Variants in GPR158 observed in about 807,000 individuals in gnomAD.
The protein encoded by GPR158 is metabotropic glycine receptor.
In GPR158, 30 loss-of-function variants were observed where a neutral mutation model predicts 78.2. That is an observed-to-expected ratio of 0.38 (90% CI 0.29 to 0.52). The LOEUF is 0.52. Among genes scored for constraint, GPR158 ranks in the 20% least tolerant of loss-of-function variants. The pLI, the probability that GPR158 is intolerant of heterozygous loss-of-function variation, is 0.83. For missense variants in GPR158, 1,463 were observed against 1,523.5 expected (o/e 0.96, Z 0.66); for synonymous variants, 581 against 591.1 (o/e 0.98, Z 0.25).
intron 6 of GPR158, among the ~76,000 whole-genome samples, chr10:25,568,045 G>A (rs1836955051): frequency 6.6e-6 from 1 of 152,192 alleles, no homozygotes; most frequent in Non-Finnish European, 1.5e-5. Flanking sequence ...TTATTCCTAA[G>A]CTTCTGCTTT....
chr10:25,322,641 A>G (rs1042641810), intron 2 of GPR158, among the ~76,000 whole-genome samples: 5 of 152,216 alleles, frequency 3.3e-5, no homozygotes, highest in Admixed American at 6.5e-5. Context: ...ATCATTATCT[A>G]TGGCAGCTAT....
intron 5 of GPR158, among the ~76,000 whole-genome samples, chr10:25,495,986 TA>T (rs950806554): frequency 6.6e-6 from 1 of 152,002 alleles, no homozygotes; most frequent in Non-Finnish European, 1.5e-5. Flanking sequence ...CTCAACCCCC[TA>T]AATGCAGACA....
At chr10:25,450,781 A>G (rs190907528) in intron 4 of GPR158, among the ~76,000 whole-genome samples, 2 of 152,126 alleles carry the variant, frequency 1.3e-5, no homozygotes, top group Non-Finnish European at 2.9e-5. Context: ...CTGTTGTACA[A>G]AATTAGCACA....
intron 1 of GPR158, among the ~76,000 whole-genome samples, chr10:25,192,763 A>G (rs1055293796): frequency 2.0e-5 from 3 of 151,682 alleles, no homozygotes; most frequent in African/African-American, 7.3e-5. Flanking sequence ...TTGAAGTATA[A>G]TAAAAAAAAG....
chr10:25,263,592 G>A (rs924289839), intron 2 of GPR158, among the ~76,000 whole-genome samples: 1 of 152,136 alleles, frequency 6.6e-6, no homozygotes, highest in Non-Finnish European at 1.5e-5. Context: ...AAAATCTGCT[G>A]TGTGGTCATA....
intron 1 of GPR158, among the ~76,000 whole-genome samples, chr10:25,214,528 C>T (rs1853179938): frequency 6.6e-6 from 1 of 151,992 alleles, no homozygotes; most frequent in African/African-American, 2.4e-5. Flanking sequence ...ATTCAGGTTT[C>T]CTGTTTTTCC....
chr10:25,383,175 G>A (rs1436098441), intron 2 of GPR158, among the ~76,000 whole-genome samples: 1 of 152,146 alleles, frequency 6.6e-6, no homozygotes, highest in Non-Finnish European at 1.5e-5. Context: ...TTCTTCATAA[G>A]TTACAAAGAA....
intron 2 of GPR158, among the ~76,000 whole-genome samples, chr10:25,350,528 C>T (rs1588816324): frequency 2.0e-5 from 3 of 150,828 alleles, no homozygotes; most frequent in Admixed American, 6.6e-5. Flanking sequence ...ACTTTCTTGA[C>T]TTAGCCCCGT....
intron 2 of GPR158, among the ~76,000 whole-genome samples, chr10:25,279,565 A>G (rs1854237884): frequency 6.6e-6 from 1 of 152,160 alleles, no homozygotes; most frequent in South Asian, 2.1e-4. Flanking sequence ...AAAGACAGTT[A>G]TTTAAATTAA....
intron 7 of GPR158, 37 bp from the exon 8 acceptor site, chr10:25,588,970 C>A: frequency 1.4e-6 from 2 of 1,438,346 alleles, no homozygotes; most frequent in Non-Finnish European, 1.9e-6. Flanking sequence ...ATTTCTTCAC[C>A]TATAAAACTC....
chr10:25,344,544 C>T (rs1855347364), intron 2 of GPR158, among the ~76,000 whole-genome samples: 1 of 151,942 alleles, frequency 6.6e-6, no homozygotes, highest in African/African-American at 2.4e-5. Context: ...AAGGCCCTAT[C>T]TGCATTATAG....
chr10:25,392,345 G>C (rs773087951), intron 2 of GPR158, among the ~76,000 whole-genome samples: 1 of 152,142 alleles, frequency 6.6e-6, no homozygotes, highest in Non-Finnish European at 1.5e-5. Context: ...TCCACACTTG[G>C]CTTGCCCTTG....
chr10:25,241,568 G>A (rs908059225), intron 2 of GPR158, among the ~76,000 whole-genome samples: 4 of 151,478 alleles, frequency 2.6e-5, no homozygotes, highest in South Asian at 2.1e-4. Flanking sequence ...TTACAGGTGC[G>A]CACCACCATG....
At chr10:25,363,757 G>T (rs995399502) in intron 2 of GPR158, among the ~76,000 whole-genome samples, 1 of 150,950 alleles carries the variant, frequency 6.6e-6, no homozygotes, top group African/African-American at 2.4e-5. Flanking sequence ...CTGATCCTCA[G>T]TTCAAGCACT....
At position 25,180,706 on chromosome 10, in the gene GPR158, T is replaced by C. The variant is rs2130627680; in HGVS notation, c.902+4384T>C. Among the ~76,000 whole-genome samples, 3 of 152,306 alleles carry C rather than the reference T, an allele frequency of 2.0e-5. No individual in the cohort carries two copies. In the South Asian group the frequency reaches 6.2e-4, roughly 32 times the overall value. ...ACAAATGTGGAAATAGACTTGATGA[T>C]TTCCATATACTTCTTAATTGGCCTA... On this transcript the variant is annotated intron_variant, in intron 1 of 10. Transcript: ENST00000376351.
intron 2 of GPR158, among the ~76,000 whole-genome samples, chr10:25,225,569 C>G (rs1853362098): frequency 6.6e-6 from 1 of 152,114 alleles, no homozygotes; most frequent in African/African-American, 2.4e-5. Context: ...CAAGGCTTAA[C>G]AGCTTATGTT....
intron 8 of GPR158, among the ~76,000 whole-genome samples, chr10:25,592,582 T>C (rs1181579959): frequency 1.3e-5 from 2 of 152,040 alleles, no homozygotes; most frequent in Non-Finnish European, 2.9e-5. Flanking sequence ...AACCTGGCAG[T>C]AATTTAAAAC....
At chr10:25,459,293 CT>C (rs1835328595) in intron 4 of GPR158, among the ~76,000 whole-genome samples, 1 of 152,088 alleles carries the variant, frequency 6.6e-6, no homozygotes, top group African/African-American at 2.4e-5. Flanking sequence ...ATTGGTATAT[CT>C]TTTTTAAAAG....
In GPR158 at chr10:25,267,624, TA is replaced by T. The variant is rs1365307857; in HGVS notation, c.1008+46474del. ...TATGGAATTATTTTGGAATCTTATGTAAAAAAAGAAGTTCAAAGCTTCACCA... is the reference window on the plus strand; with the variant it reads ...TATGGAATTATTTTGGAATCTTATGTAAAAAAGAAGTTCAAAGCTTCACCA... On this transcript the variant is annotated intron_variant, in intron 2 of 10. Coordinates refer to ENST00000376351, the MANE Select transcript of GPR158 (RefSeq NM_020752.3). Among the ~76,000 whole-genome samples the T allele has an allele frequency of 5.3e-5, 8 of 152,190 alleles. No individual in the cohort carries two copies. The East Asian group carries it at 1.5e-3, about 29-fold the overall frequency.
Sources: allele counts gnomAD v4.1 joint callset (sites outside exome capture counted in the v4.1 genomes callset), GRCh38; gene constraint gnomAD v4.1.1; transcripts MANE v1.5; gene names NCBI Gene and HGNC (gene_info 2026-07-23, HGNC 2026-07-21).